The following ZNF777 variants were observed in gnomAD, a reference collection of about 807,000 sequenced individuals.
ZNF777 encodes the protein zinc finger protein 777.
A neutral mutation model predicts 72.1 loss-of-function variants in ZNF777; 7 were observed. The ratio of observed to expected loss-of-function variants is 0.10; its 90% CI spans 0.06 to 0.18. The LOEUF (loss-of-function observed/expected upper bound fraction) is 0.18. Ranked by LOEUF, ZNF777 falls within the 10% of genes least tolerant of loss-of-function variation. The pLI is 1.00. For missense variants in ZNF777, 828 were observed against 1,128.6 expected, an observed-to-expected ratio of 0.73 and a Z score of 3.82; for synonymous variants, 545 against 483.5, an observed-to-expected ratio of 1.13 and a Z score of -1.67.
chr7:149,431,717 G>A lies in ZNF777; in HGVS notation c.*59C>T. 1.6e-6 allele frequency: 2 copies of A among 1,230,124 alleles called. No individual in the cohort carries two copies. Among genetic ancestry groups the A allele is most frequent in the East Asian group, 5.2e-5 (1 of 19,322 alleles). The allele number at this position is 1,230,124 out of a possible 1,614,324, so 76.2% of individuals were successfully genotyped here. On this transcript the variant is annotated 3_prime_UTR_variant, in exon 6 of 6. Transcript: ENST00000247930. The stretch of plus-strand genomic sequence containing the variant: ...CCGCCCGCTGGGCTCGGGCCTGGCG[G>A]TGTCCGAGGGGGGGCACGGCCCGCG...
chr7:149,432,948 A>C lies in ZNF777; in HGVS notation c.1340-16T>G. On this transcript the variant is annotated splice_polypyrimidine_tract_variant and intron_variant, in intron 5 of 5. Transcript: ENST00000247930. ...ACGATCCCCTCTGCTCCAGGGACAG[A>C]GAGAGAAAGTCGTTAGCTGCTGCCT... The C allele has an allele frequency of 6.9e-7, 1 of 1,456,052 alleles. No homozygotes were observed. Among genetic ancestry groups the C allele is most frequent in the Non-Finnish European group, 9.1e-7 (1 of 1,101,018 alleles). 90.2% of individuals were successfully genotyped at this position (1,456,052 alleles called of 1,614,324 possible). A position where few individuals can be genotyped will look rare whatever the true frequency, so the allele number is the denominator to read the frequency against.
intron 4 of ZNF777, among the ~76,000 whole-genome samples, chr7:149,449,204 G>GGCCCACTCTGAGGGGCAGCA (rs1563238115): frequency 1.6e-4 from 24 of 152,134 alleles, no homozygotes; most frequent in African/African-American, 5.3e-4. Context: ...GAGGGGCAGC[G>GGCCCACTCTGAGGGGCAGCA]GTACCTATGT....
rs956300949 is a variant in ZNF777, at chr7:149,455,716, T to C, written c.307A>G (p.Thr103Ala). The change falls in exon 2 of 6, where the codon ACC becomes GCC. Residue 103 changes from threonine (T) to alanine (A), a missense_variant. This residue lies in a region of ZNF777 where 222 missense variants were observed against 211.2 expected (regional missense o/e 1.05). Coordinates refer to ENST00000247930, the MANE Select transcript of ZNF777 (RefSeq NM_015694.3). The surrounding 1 kb of genome is among the most constrained non-coding windows in gnomAD (Gnocchi z 4.2). ...LQGPLASQEG[T>A]QYPPPAAAEQ... ...GCAGCAGCTGGGGGTGGATACTGGG[T>C]CCCTTCCTGGGAAGCCAGGGGGCCC... 4 of 1,577,514 alleles carry C rather than the reference T, an allele frequency of 2.5e-6. No homozygotes were observed. Among genetic ancestry groups the C allele is most frequent in the Non-Finnish European group, 3.4e-6 (4 of 1,161,776 alleles).
In ZNF777 at chr7:149,460,080, G is replaced by C. The variant is rs1400499391; in HGVS notation, c.-16+735C>G. 1.9e-5 allele frequency: 19 copies of C among 981,440 alleles called. No individual in the cohort carries two copies. The highest frequency in any genetic ancestry group is 2.3e-5 in the Non-Finnish European group (19 of 828,470). 60.8% of individuals were successfully genotyped at this position (981,440 alleles called of 1,614,324 possible). A position where few individuals can be genotyped will look rare whatever the true frequency, so the allele number is the denominator to read the frequency against. On this transcript the variant is annotated intron_variant, in intron 1 of 5. Coordinates refer to ENST00000247930, the MANE Select transcript of ZNF777 (RefSeq NM_015694.3). This position sits in a 1 kb window ranked among gnomAD's most constrained non-coding sequence, Gnocchi z 6.1. ...CCCGGGACACGCAGGCCGTCCCCGG[G>C]GCCCCGAGGCCGCGCGTCCGTGCGC...
intron 4 of ZNF777, among the ~76,000 whole-genome samples, chr7:149,445,933 C>T (rs913003085): frequency 1.3e-5 from 2 of 152,170 alleles, no homozygotes; most frequent in Non-Finnish European, 2.9e-5. Context: ...ACTCTTGAGC[C>T]CCAAGCAGGT....
chr7:149,438,043 C>T (rs964471479), intron 4 of ZNF777, among the ~76,000 whole-genome samples: 1 of 151,976 alleles, frequency 6.6e-6, no homozygotes, highest in African/African-American at 2.4e-5. Context: ...CCACACCCGG[C>T]TAATTTTTTG....
At chr7:149,437,272 G>A (rs191772118) in intron 4 of ZNF777, among the ~76,000 whole-genome samples, 14 of 152,064 alleles carry the variant, frequency 9.2e-5, no homozygotes, top group Admixed American at 8.5e-4. Context: ...GAGTCACTGC[G>A]CCCAGCCAGG....
intron 4 of ZNF777, among the ~76,000 whole-genome samples, chr7:149,449,395 T>C (rs1026176965): frequency 2.6e-5 from 4 of 152,198 alleles, no homozygotes; most frequent in African/African-American, 7.2e-5. Context: ...TTATTTGCTT[T>C]TCAATTCTGG....
chr7:149,436,470 G>T lies in ZNF777; in HGVS notation c.1339+105C>A. 7.4e-7 allele frequency: 1 copy of T among 1,359,318 alleles called. No individual in the cohort carries two copies. The highest frequency in any genetic ancestry group is 2.3e-5 in the East Asian group (1 of 42,990). 84.2% of individuals were successfully genotyped at this position (1,359,318 alleles called of 1,614,324 possible). ...TTCTTTCCCACCTGTTGCCCCATCA[G>T]TGTCCAGCTACCTCTCTGAAGGAAC... On this transcript the variant is annotated intron_variant, in intron 5 of 5. Transcript: ENST00000247930. The surrounding 1 kb of genome is among the most constrained non-coding windows in gnomAD (Gnocchi z 5.0).
At chr7:149,441,640 C>A (rs1290023740) in intron 4 of ZNF777, among the ~76,000 whole-genome samples, 2 of 152,104 alleles carry the variant, frequency 1.3e-5, no homozygotes, top group Non-Finnish European at 2.9e-5. Context: ...TGTAATAATT[C>A]GTGTTCATAA....
Position 149,454,097 on chromosome 7 carries a change from A to G in ZNF777, c.973+14T>C, listed in dbSNP as rs1585703073. 1 of 1,614,094 alleles carries G rather than the reference A, an allele frequency of 6.2e-7. No homozygotes were observed. The highest frequency in any genetic ancestry group is 2.2e-5 in the East Asian group (1 of 44,884). On this transcript the variant is annotated intron_variant, in intron 3 of 5. Coordinates refer to ENST00000247930, the MANE Select transcript of ZNF777 (RefSeq NM_015694.3). The stretch of plus-strand genomic sequence containing the variant: ...CGTCCAGGCAGCCCCCAGCGAGCGA[A>G]GGCTTCTCCTTACCCATGGAAACCA...
intron 4 of ZNF777, among the ~76,000 whole-genome samples, chr7:149,437,530 T>A (rs1008268376): frequency 3.9e-5 from 6 of 152,240 alleles, no homozygotes; most frequent in African/African-American, 1.4e-4. Context: ...TGTTACGCAC[T>A]GCCCTGAAAT....
intron 2 of ZNF777, among the ~76,000 whole-genome samples, chr7:149,454,772 T>C (rs528828541): frequency 1.3e-5 from 2 of 152,364 alleles, no homozygotes; most frequent in African/African-American, 2.4e-5. Flanking sequence ...TAACATGGCT[T>C]ATAAGTGAAC....
At chr7:149,450,531 G>T (rs1010764693) in intron 4 of ZNF777, among the ~76,000 whole-genome samples, 1 of 152,250 alleles carries the variant, frequency 6.6e-6, no homozygotes, top group South Asian at 2.1e-4. Context: ...GGTCAGTCTC[G>T]CTGGGTGCAT....
chr7:149,453,086 A>C (rs1397194350), intron 3 of ZNF777, among the ~76,000 whole-genome samples: 1 of 152,182 alleles, frequency 6.6e-6, no homozygotes, highest in Non-Finnish European at 1.5e-5. Context: ...CCTCTGTGCA[A>C]ACCCCAAACT....
At chr7:149,442,843 A>G (rs1563235987) in intron 4 of ZNF777, among the ~76,000 whole-genome samples, 1 of 152,250 alleles carries the variant, frequency 6.6e-6, no homozygotes, top group African/African-American at 2.4e-5. Context: ...GGAAAGTCAA[A>G]TAAAAACATC....
intron 1 of ZNF777, among the ~76,000 whole-genome samples, chr7:149,458,195 A>C (rs1799869633): frequency 6.6e-6 from 1 of 152,192 alleles, no homozygotes; most frequent in Admixed American, 6.5e-5. Flanking sequence ...AAAAGACAAA[A>C]GGGCACATAC....
intron 3 of ZNF777, among the ~76,000 whole-genome samples, chr7:149,452,554 A>G (rs1040338713): frequency 6.7e-6 from 1 of 149,300 alleles, no homozygotes; most frequent in African/African-American, 2.5e-5. Context: ...AATGGCATGA[A>G]CCTGGGAGGC....
chr7:149,450,687 T>C (rs1325624834), intron 4 of ZNF777, among the ~76,000 whole-genome samples: 1 of 152,232 alleles, frequency 6.6e-6, no homozygotes, highest in East Asian at 1.9e-4. Flanking sequence ...CCAGGAATTT[T>C]AAGCACTAAT....
Sources: gnomAD v4.1 joint callset for allele counts (sites outside exome capture counted in the v4.1 genomes callset) on GRCh38, gnomAD v4.1.1 for gene constraint, gnomAD v4.1.1 regional missense constraint, Gnocchi (gnomAD v3.1) non-coding constraint, MANE v1.5 for transcripts, NCBI Gene and HGNC (gene_info 2026-07-23, HGNC 2026-07-21) for gene names.